EPS15L1: variants seen among roughly 807,000 people sequenced by gnomAD.
EPS15L1 encodes epidermal growth factor receptor substrate 15-like 1.
In EPS15L1, 43 loss-of-function variants were observed where a neutral mutation model predicts 117.1. The observed-to-expected ratio is 0.37, with a 90% CI of 0.29 to 0.47. EPS15L1 has a LOEUF of 0.47. Among genes scored for constraint, EPS15L1 ranks in the 20% least tolerant of loss-of-function variants. The pLI is 0.99. For missense variants in EPS15L1, 981 were observed against 1,164.0 expected (o/e 0.84, Z 2.29); for synonymous variants, 459 against 470.5 (o/e 0.98, Z 0.32).
At chr19:16,437,171 C>A in intron 5 of EPS15L1, 172 bp from the exon 6 acceptor site, 1 of 593,656 alleles carries the variant, frequency 1.7e-6, no homozygotes, top group East Asian at 2.8e-5. Context: ...CGTATTGACC[C>A]AAATGAATTA....
At chr19:16,451,520 ATTTAT>A (rs1465701987) in intron 1 of EPS15L1, among the ~76,000 whole-genome samples, 14 of 151,246 alleles carry the variant, frequency 9.3e-5, no homozygotes, top group South Asian at 2.1e-4. Context: ...TCTTTTATTT[ATTTAT>A]TTTATTTTTT....
At chr19:16,469,948 A>G (rs2093334399) in intron 1 of EPS15L1, among the ~76,000 whole-genome samples, 1 of 152,170 alleles carries the variant, frequency 6.6e-6, no homozygotes, top group Admixed American at 6.5e-5. Flanking sequence ...CATGCCTCAC[A>G]CCTGGGCCAA....
Position 16,355,418 on chromosome 19 carries a change from G to T in EPS15L1, c.*287C>A. On this transcript the variant is annotated 3_prime_UTR_variant, in exon 24 of 24. Coordinates refer to ENST00000455140, the MANE Select transcript of EPS15L1 (RefSeq NM_001258374.3). ...GGGTGCTTCCTCTCCTCGACTGACC[G>T]CTGTGTGTTCGTCCCCAGAGGAAGA... 2.5e-6 allele frequency: 1 copy of T among 402,820 alleles called. No homozygotes were observed. Among genetic ancestry groups the T allele is most frequent in the Non-Finnish European group, 4.5e-6 (1 of 222,192 alleles). The allele number at this position is 402,820 out of a possible 1,614,324, so 25.0% of individuals were successfully genotyped here. A position where few individuals can be genotyped will look rare whatever the true frequency, so the allele number is the denominator to read the frequency against.
rs1301050985 is a variant in EPS15L1, at chr19:16,378,199, C to CAGGT, written c.2248-949_2248-946dup. Among the ~76,000 whole-genome samples, 11 of 151,904 alleles carry CAGGT rather than the reference C, an allele frequency of 7.2e-5. No homozygotes were observed. In the East Asian group the frequency reaches 1.2e-3, roughly 16 times the overall value. On this transcript the variant is annotated intron_variant, in intron 21 of 23. Coordinates refer to ENST00000455140, the MANE Select transcript of EPS15L1 (RefSeq NM_001258374.3). ...GAGGCAGATATGTGGCGACGTCTTG[C>CAGGT]AGGTAGGTAGGTAGGTAGGCACTTC...
intron 17 of EPS15L1, among the ~76,000 whole-genome samples, chr19:16,394,359 G>C (rs995642099): frequency 5.9e-5 from 9 of 152,190 alleles, no homozygotes; most frequent in African/African-American, 2.2e-4. Flanking sequence ...CTGGGTAAGA[G>C]GACACAGGAC....
chr19:16,453,637 C>A (rs547379288), intron 1 of EPS15L1, among the ~76,000 whole-genome samples: 2 of 151,746 alleles, frequency 1.3e-5, no homozygotes, highest in Non-Finnish European at 2.9e-5. Context: ...GGCGTGAACC[C>A]GGGAGGCGGA....
intron 15 of EPS15L1, 120 bp from the exon 16 acceptor site, chr19:16,402,605 GA>G: frequency 1.1e-6 from 1 of 950,308 alleles, no homozygotes; most frequent in South Asian, 1.8e-5. Context: ...GTAGTGGAGT[GA>G]TCATAGCTCA....
intron 5 of EPS15L1, among the ~76,000 whole-genome samples, chr19:16,437,564 A>G (rs10411936): frequency 0.63 from 96,011 of 152,052 alleles, 31,058 homozygotes; most frequent in South Asian, 0.74. Flanking sequence ...GACAGAGGTA[A>G]TGAAGACACA....
intron 4 of EPS15L1, 72 bp downstream of exon 4, chr19:16,440,790 G>A: frequency 1.5e-6 from 2 of 1,351,266 alleles, no homozygotes; most frequent in Non-Finnish European, 1.1e-6. Flanking sequence ...AATGTGGAAG[G>A]AGCCGTGGAG....
intron 13 of EPS15L1, among the ~76,000 whole-genome samples, chr19:16,410,615 T>C (rs903797540): frequency 3.3e-5 from 5 of 151,952 alleles, no homozygotes; most frequent in African/African-American, 1.2e-4. Context: ...ATGAGTAAAA[T>C]GTGGCCCATC....
intron 17 of EPS15L1, among the ~76,000 whole-genome samples, chr19:16,394,409 T>G (rs1356225352): frequency 6.6e-6 from 1 of 152,196 alleles, no homozygotes; most frequent in Non-Finnish European, 1.5e-5. Context: ...CCTGCAGCAA[T>G]GAGGCGGCGG....
intron 19 of EPS15L1, among the ~76,000 whole-genome samples, chr19:16,391,516 C>T (rs984225984): frequency 9.9e-5 from 15 of 151,872 alleles, no homozygotes; most frequent in Admixed American, 4.6e-4. Flanking sequence ...GGTGAGTGCC[C>T]GTCTCTGAGC....
intron 4 of EPS15L1, among the ~76,000 whole-genome samples, chr19:16,440,155 G>C (rs1330967480): frequency 6.6e-6 from 1 of 151,956 alleles, no homozygotes; most frequent in Non-Finnish European, 1.5e-5. Flanking sequence ...CAATGTGGCT[G>C]GGCGTGGTGG....
chr19:16,434,284 C>T, intron 7 of EPS15L1, 81 bp downstream of exon 7: 4 of 1,530,258 alleles, frequency 2.6e-6, no homozygotes, highest in Non-Finnish European at 3.5e-6. Context: ...GCCTTGTAAG[C>T]ACCATGGGGA....
chr19:16,393,499 A>G (rs2092503339), intron 18 of EPS15L1, among the ~76,000 whole-genome samples: 1 of 151,456 alleles, frequency 6.6e-6, no homozygotes, highest in Admixed American at 6.6e-5. Context: ...AATACAAAAA[A>G]TTAGCCGGGC....
intron 1 of EPS15L1, 46 bp from the exon 2 acceptor site, chr19:16,442,265 T>C (rs778593048): frequency 1.4e-5 from 22 of 1,569,844 alleles, no homozygotes; most frequent in Non-Finnish European, 1.8e-5. Flanking sequence ...ACACAACCCC[T>C]TGGGGAAAAA....
chr19:16,373,268 C>A (rs1289445375), intron 22 of EPS15L1, among the ~76,000 whole-genome samples: 1 of 152,144 alleles, frequency 6.6e-6, no homozygotes, highest in Non-Finnish European at 1.5e-5. Flanking sequence ...CACTCAGCCA[C>A]GCTGGGACCC....
In EPS15L1 at chr19:16,377,166, A is replaced by C; in HGVS notation, c.2336T>G (p.Leu779Arg). The change falls in exon 22 of 24, where the codon CTG (leucine) becomes CGG (arginine). Residue 779 changes from leucine (L) to arginine (R), a missense_variant. Leu to Arg is a moderately radical substitution (Grantham distance 102). This residue lies in a region of EPS15L1 where 819 missense variants were observed against 949.0 expected (regional missense o/e 0.86). Coordinates refer to ENST00000455140, the MANE Select transcript of EPS15L1 (RefSeq NM_001258374.3). The stretch of plus-strand genomic sequence containing the variant: ...TGGAGGAGCAGGTTTCTTCGGAGGC[A>C]GAGCAGGAGTGTCCTGTTTACTTTT... Reference protein sequence around the residue: ...PFKSKQDTPALPPKKPAPPRP... With the variant: ...PFKSKQDTPARPPKKPAPPRP... The C allele has an allele frequency of 6.2e-7, 1 of 1,609,808 alleles. No individual in the cohort carries two copies. Among genetic ancestry groups the C allele is most frequent in the Non-Finnish European group, 8.5e-7 (1 of 1,178,208 alleles).
rs576237640 is a variant in EPS15L1 at position 16,418,952 on chromosome 19, C to T, written c.951-848G>A. Among the ~76,000 whole-genome samples, 156 of 152,336 alleles carry T rather than the reference C, an allele frequency of 1.0e-3. 2 individuals are homozygous for T. The highest frequency in any genetic ancestry group is 7.2e-3 in the South Asian group (35 of 4,834). ...CCACTCTGTCTATGGCACTTTGTCA[C>T]AGCAGCCCAATGGTCTAAAACACTC... On this transcript the variant is annotated intron_variant, in intron 10 of 23. Coordinates refer to ENST00000455140, the MANE Select transcript of EPS15L1 (RefSeq NM_001258374.3).
Sources: allele counts gnomAD v4.1 joint callset (sites outside exome capture counted in the v4.1 genomes callset), GRCh38; gene constraint gnomAD v4.1.1; regional missense constraint gnomAD v4.1.1; transcripts MANE v1.5; gene names NCBI Gene and HGNC (gene_info 2026-07-23, HGNC 2026-07-21).